The following INTS8 variants were observed in gnomAD, a reference collection of about 807,000 sequenced individuals.
INTS8 encodes protein kaonashi-1.
A neutral mutation model predicts 138.9 loss-of-function variants in INTS8; 47 were observed. The observed-to-expected ratio is 0.34, with a 90% CI of 0.27 to 0.43. The LOEUF is 0.43. Among genes scored for constraint, INTS8 ranks in the 20% least tolerant of loss-of-function variants. The probability of loss-of-function intolerance (pLI) is 1.00; values close to 1 mark genes in which losing one functional copy is unlikely to be tolerated. For missense variants in INTS8, 996 were observed against 1,173.0 expected (o/e 0.85, Z 2.20); for synonymous variants, 392 against 400.9 (o/e 0.98, Z 0.27).
At chr8:94,865,406 G>A in intron 16 of INTS8, 100 bp from the exon 17 acceptor site, 2 of 897,548 alleles carry the variant, frequency 2.2e-6, no homozygotes, top group Non-Finnish European at 3.5e-6. Flanking sequence ...TAGTATGTTT[G>A]GGCAGTCATT....
In INTS8 at chr8:94,838,627, T is replaced by C; in HGVS notation, c.1017+9T>C. On this transcript the variant is annotated intron_variant, in intron 8 of 26. Transcript: ENST00000523731. ...GATCTGGCAACTATCAGGTAAGGTG[T>C]ATGAGGGGGATGCAGTGAAGTTTTG... 6.3e-7 allele frequency: 1 copy of C among 1,599,568 alleles called. No homozygotes were observed.
In INTS8 at chr8:94,874,358, T is replaced by G. The variant is rs1296208542; in HGVS notation, c.2638-194T>G. ...TGGCTTTCAAAATAAGATTGAACAT[T>G]TATTAGATTTTTGGTTTATTTTTTA... On this transcript the variant is annotated intron_variant, in intron 22 of 26. Coordinates refer to ENST00000523731, the MANE Select transcript of INTS8 (RefSeq NM_017864.4). Among the ~76,000 whole-genome samples, 6 of 152,130 alleles carry G rather than the reference T, an allele frequency of 3.9e-5. No individual in the cohort carries two copies. In the East Asian group the frequency reaches 1.2e-3, roughly 29 times the overall value.
chr8:94,832,195 T>TTAC (rs1563642645), intron 6 of INTS8, 21 bp downstream of exon 6: 2 of 1,592,634 alleles, frequency 1.3e-6, no homozygotes. Flanking sequence ...GATACTTAAT[T>TTAC]TACGTAGGGC....
intron 10 of INTS8, 72 bp from the exon 11 acceptor site, chr8:94,849,390 C>T: frequency 1.2e-6 from 1 of 822,434 alleles, no homozygotes; most frequent in Non-Finnish European, 2.0e-6. Flanking sequence ...GTTTTTAAAT[C>T]CAGCCTTTTC....
intron 10 of INTS8, among the ~76,000 whole-genome samples, chr8:94,848,703 TATTC>T (rs1182295818): frequency 3.3e-5 from 5 of 152,244 alleles, no homozygotes; most frequent in African/African-American, 1.2e-4. Flanking sequence ...TTTGTGTGTT[TATTC>T]ATCAGTTGGT....
chr8:94,862,949 T>G (rs1206561029), intron 16 of INTS8, among the ~76,000 whole-genome samples: 4 of 152,198 alleles, frequency 2.6e-5, no homozygotes, highest in Admixed American at 2.6e-4. Flanking sequence ...TTTTAATGTT[T>G]TCTATTCTGT....
intron 14 of INTS8, among the ~76,000 whole-genome samples, chr8:94,854,370 G>A (rs1031988703): frequency 3.9e-5 from 6 of 152,056 alleles, no homozygotes; most frequent in East Asian, 1.9e-4. Context: ...TTGCTTTACC[G>A]TTATAATTAT....
Position 94,832,016 on chromosome 8 carries a change from AT to A in INTS8, c.599del (p.Leu200TrpfsTer3). On this transcript the variant is annotated frameshift_variant, in exon 6 of 27. Coordinates refer to ENST00000523731, the MANE Select transcript of INTS8 (RefSeq NM_017864.4). LOFTEE classifies it high-confidence loss of function. The stretch of plus-strand genomic sequence containing the variant: ...GCTCAAAGAACAAGCTGCTGATTCT[AT>A]TTTGGTACTAGAAGCAGCCCTAAAA... ...KVLKEQAADS[I>X]LVLEAALKLN... The A allele has an allele frequency of 6.2e-7, 1 of 1,604,230 alleles. No homozygotes were observed. The highest frequency in any genetic ancestry group is 1.1e-5 in the South Asian group (1 of 88,638).
Position 94,880,496 on chromosome 8 carries a change from T to G in INTS8, c.*262T>G, listed in dbSNP as rs1323548223. On this transcript the variant is annotated 3_prime_UTR_variant, in exon 27 of 27. Transcript: ENST00000523731. ...TAGCAATCTAGTTTTCTAATCTACTTTATGAGGCTGGATTTTTTTTTTAGA... is the reference window on the plus strand; with the variant it reads ...TAGCAATCTAGTTTTCTAATCTACTGTATGAGGCTGGATTTTTTTTTTAGA... The G allele has an allele frequency of 4.2e-5, 13 of 308,682 alleles. No homozygotes were observed. In the East Asian group the frequency reaches 4.9e-4, roughly 12 times the overall value. 19.1% of individuals were successfully genotyped at this position (308,682 alleles called of 1,614,324 possible).
rs1816799679 is a variant in INTS8, at chr8:94,881,288, C to A, written c.*1054C>A. The stretch of plus-strand genomic sequence containing the variant: ...AAGGTAGCACTTATCCAGTCCAAAA[C>A]TCCAGTGACAAAATTCCTAGTTTAT... On this transcript the variant is annotated 3_prime_UTR_variant, in exon 27 of 27. Transcript: ENST00000523731. 2.8e-6 allele frequency: 1 copy of A among 358,126 alleles called. No individual in the cohort carries two copies. The highest frequency in any genetic ancestry group is 5.0e-6 in the Non-Finnish European group (1 of 201,472). 22.2% of individuals were successfully genotyped at this position (358,126 alleles called of 1,614,324 possible).
rs781335888 is a variant in INTS8 at position 94,876,245 on chromosome 8, C to T, written c.2787C>T (p.Tyr929=). Residue 929 remains tyrosine (Y), a synonymous_variant, in exon 25 of 27, where the codon TAC becomes TAT. Transcript: ENST00000523731. ...QNSHDAMDSY[Y]DYIWDVTILE... is the part of the protein sequence containing the mutation. The stretch of plus-strand genomic sequence containing the variant: ...GTCATGATGCTATGGACTCCTACTA[C>T]GACTACATATGGGATGTTACCATTT... The T allele has an allele frequency of 6.5e-5, 105 of 1,612,096 alleles. No individual in the cohort carries two copies. The highest frequency in any genetic ancestry group is 1.6e-4 in the Middle Eastern group (1 of 6,072).
At position 94,833,356 on chromosome 8, in the gene INTS8, G is replaced by C. The variant is rs1015928354; in HGVS notation, c.753+1182G>C. Reference sequence around the variant, plus strand: ...AGGAGTTAATGAAGTATTGATACTTGGTAACCCTTTTTGTAAAAAAAAAAA... The same window carrying C: ...AGGAGTTAATGAAGTATTGATACTTCGTAACCCTTTTTGTAAAAAAAAAAA... On this transcript the variant is annotated intron_variant, in intron 6 of 26. Coordinates refer to ENST00000523731, the MANE Select transcript of INTS8 (RefSeq NM_017864.4). Among the ~76,000 whole-genome samples, 9 of 151,714 alleles carry C rather than the reference G, an allele frequency of 5.9e-5. No individual in the cohort carries two copies. The East Asian group carries it at 1.7e-3, about 29-fold the overall frequency.
At chr8:94,859,863 G>A in intron 16 of INTS8, 1 of 445,414 alleles carries the variant, frequency 2.2e-6, no homozygotes, top group Non-Finnish European at 4.1e-6. Flanking sequence ...AGATTATTTA[G>A]TTAACAGATA....
chr8:94,867,256 C>CTT lies in INTS8; in HGVS notation c.2353-12_2353-11dup. 6.3e-7 allele frequency: 1 copy of CTT among 1,580,660 alleles called. No individual in the cohort carries two copies. Among genetic ancestry groups the CTT allele is most frequent in the Non-Finnish European group, 8.6e-7 (1 of 1,158,196 alleles). On this transcript the variant is annotated intron_variant, in intron 19 of 26. Coordinates refer to ENST00000523731, the MANE Select transcript of INTS8 (RefSeq NM_017864.4). ...AAAGAAATTTCTTTGTAAATCACAC[C>CTT]TTTTTTTTTCTTTTTAAAGGAGGAC...
intron 16 of INTS8, chr8:94,859,957 C>T (rs1387428211): frequency 1.6e-5 from 3 of 184,142 alleles, no homozygotes; most frequent in South Asian, 1.3e-4. Context: ...TGATGGAGTC[C>T]GTCAGGGATG....
chr8:94,841,732 G>T (rs538443218), intron 9 of INTS8, 141 bp downstream of exon 9: 1 of 556,276 alleles, frequency 1.8e-6, no homozygotes, highest in African/African-American at 1.9e-5. Flanking sequence ...TTAACATAGG[G>T]TGGAGGAACA....
intron 16 of INTS8, among the ~76,000 whole-genome samples, chr8:94,860,647 G>A (rs1397794254): frequency 6.8e-6 from 1 of 147,976 alleles, no homozygotes; most frequent in Non-Finnish European, 1.5e-5. Context: ...AACATTATAC[G>A]TCCCTGTCTC....
Position 94,851,590 on chromosome 8 carries a change from A to C in INTS8, c.1545A>C (p.Gln515His). The C allele has an allele frequency of 1.9e-6, 3 of 1,597,174 alleles. No individual in the cohort carries two copies. The highest frequency in any genetic ancestry group is 2.6e-6 in the Non-Finnish European group (3 of 1,173,898). The change falls in exon 13 of 27, where the codon CAA (glutamine) becomes CAC (histidine). Residue 515 changes from glutamine (Q) to histidine (H), a missense_variant. Physicochemically the swap from Gln to His is conservative, Grantham distance 24. Transcript: ENST00000523731. ...TCAACATTGGTCAGTTAGAGCATCA[A>C]CTTATATTGTCAGTGGATCCTTGGA... ...ASVNIGQLEH[Q>H]LILSVDPWRI...
rs781097584 is a variant in INTS8, at chr8:94,867,137, T to A, written c.2296-3T>A. ...TAAGGATTCTGTGTTTTCTTTCTCA[T>A]AGGAACCACTCGTTTTGACTATTAT... is the stretch of plus-strand genomic sequence containing the variant. On this transcript the variant is annotated splice_polypyrimidine_tract_variant and splice_region_variant and intron_variant, in intron 18 of 26. Coordinates refer to ENST00000523731, the MANE Select transcript of INTS8 (RefSeq NM_017864.4). The A allele has an allele frequency of 1.1e-5, 18 of 1,604,284 alleles. No homozygotes were observed. In the South Asian group the frequency reaches 1.9e-4, roughly 17 times the overall value.
Sources: gnomAD v4.1 joint callset for allele counts (sites outside exome capture counted in the v4.1 genomes callset) on GRCh38, gnomAD v4.1.1 for gene constraint, MANE v1.5 for transcripts, NCBI Gene and HGNC (gene_info 2026-07-23, HGNC 2026-07-21) for gene names.